Variants in KIF5C observed in about 807,000 individuals in gnomAD.
KIF5C encodes the protein kinesin family member 5C.
KIF5C carries 18 observed loss-of-function variants against 125.2 expected under a neutral mutation model. The observed-to-expected ratio is 0.14, with a 90% CI of 0.10 to 0.21. The LOEUF (loss-of-function observed/expected upper bound fraction) is 0.21, where lower values mean the gene tolerates loss of function less well. Among genes scored for constraint, KIF5C ranks in the 10% least tolerant of loss-of-function variants. The pLI is 1.00. For synonymous variants in KIF5C, 405 were observed against 434.0 expected (o/e 0.93, Z 0.83); for missense variants, 780 against 1,183.8 (o/e 0.66, Z 5.01).
intron 2 of KIF5C, among the ~76,000 whole-genome samples, chr2:148,926,260 C>T (rs1681990641): frequency 6.6e-6 from 1 of 152,202 alleles, no homozygotes; most frequent in Non-Finnish European, 1.5e-5. Context: ...GATGAGAAGG[C>T]TCTGGGCACC....
At chr2:149,018,316 T>C (rs2105211434) in intron 25 of KIF5C, among the ~76,000 whole-genome samples, 3 of 152,046 alleles carry the variant, frequency 2.0e-5, no homozygotes, top group Middle Eastern at 6.8e-3. Context: ...TAAAAACAAA[T>C]ACATGAAGAT....
At chr2:148,998,681 T>A in intron 19 of KIF5C, 172 bp downstream of exon 19, 3 of 1,113,642 alleles carry the variant, frequency 2.7e-6, no homozygotes, top group Non-Finnish European at 2.5e-6. Flanking sequence ...TTCTCCGATC[T>A]GGAGCTGAGC....
chr2:148,939,747 A>T (rs1431192239), intron 4 of KIF5C, among the ~76,000 whole-genome samples: 1 of 152,230 alleles, frequency 6.6e-6, no homozygotes, highest in Non-Finnish European at 1.5e-5. Flanking sequence ...GGCTAAATCA[A>T]GAAAAAGAGG....
intron 1 of KIF5C, among the ~76,000 whole-genome samples, chr2:148,887,249 ACTT>A (rs1681555527): frequency 1.3e-5 from 2 of 152,164 alleles, no homozygotes; most frequent in South Asian, 4.1e-4. Flanking sequence ...CTTTCTTTGT[ACTT>A]CTTTTAATGA....
At chr2:148,899,632 G>A (rs1680812811) in intron 1 of KIF5C, among the ~76,000 whole-genome samples, 2 of 150,524 alleles carry the variant, frequency 1.3e-5, no homozygotes, top group Non-Finnish European at 2.9e-5. Flanking sequence ...GATTCCAGAA[G>A]GCAGAGGTTG....
At chr2:148,923,254 C>T (rs1681860144) in intron 2 of KIF5C, among the ~76,000 whole-genome samples, 1 of 152,198 alleles carries the variant, frequency 6.6e-6, no homozygotes, top group Non-Finnish European at 1.5e-5. Context: ...AAAATCAGCT[C>T]TGGGTACATC....
intron 4 of KIF5C, among the ~76,000 whole-genome samples, chr2:148,938,722 A>G (rs1682343659): frequency 6.6e-6 from 1 of 152,000 alleles, no homozygotes; most frequent in Non-Finnish European, 1.5e-5. Flanking sequence ...CTGCTAAGAG[A>G]TTTCCCTTCA....
chr2:148,950,201 A>G (rs1245586618), intron 9 of KIF5C, 113 bp from the exon 10 acceptor site: 2 of 1,485,584 alleles, frequency 1.3e-6, no homozygotes, highest in Non-Finnish European at 1.8e-6. Context: ...CCCAGCCACA[A>G]ATTCTTGTTT....
At chr2:148,997,484 G>A (rs1003076100) in intron 18 of KIF5C, 144 bp downstream of exon 18, 12 of 1,435,886 alleles carry the variant, frequency 8.4e-6, no homozygotes, top group Admixed American at 2.1e-5. Context: ...ATTCAGAGTC[G>A]ATCTCAGAGT....
intron 1 of KIF5C, among the ~76,000 whole-genome samples, chr2:148,887,767 G>A (rs1480019909): frequency 6.6e-6 from 1 of 151,986 alleles, no homozygotes; most frequent in African/African-American, 2.4e-5. Context: ...CACCCAGGCA[G>A]GGACCATAGT....
At chr2:148,881,350 T>A (rs1475979392) in intron 1 of KIF5C, among the ~76,000 whole-genome samples, 3 of 152,204 alleles carry the variant, frequency 2.0e-5, no homozygotes, top group Non-Finnish European at 4.4e-5. Flanking sequence ...CTAGACTACG[T>A]TAGCTGTTCC....
chr2:148,893,502 G>A (rs548908878), intron 1 of KIF5C, among the ~76,000 whole-genome samples: 68 of 152,220 alleles, frequency 4.5e-4, no homozygotes, highest in African/African-American at 1.1e-3. Context: ...ACGTTCACTC[G>A]TCCAAGCCTT....
intron 1 of KIF5C, among the ~76,000 whole-genome samples, chr2:148,913,864 GGTTT>G (rs962605493): frequency 3.9e-5 from 6 of 152,144 alleles, no homozygotes; most frequent in Non-Finnish European, 8.8e-5. Context: ...CAGTGAAGAA[GGTTT>G]GTTTTTTTTT....
intron 12 of KIF5C, among the ~76,000 whole-genome samples, chr2:148,976,502 T>C (rs981413814): frequency 4.0e-5 from 6 of 151,694 alleles, no homozygotes; most frequent in African/African-American, 1.2e-4. Flanking sequence ...TTTCCTGACC[T>C]CGTGATCCAC....
intron 10 of KIF5C, among the ~76,000 whole-genome samples, chr2:148,951,229 A>G (rs1682650151): frequency 6.6e-6 from 1 of 152,200 alleles, no homozygotes; most frequent in Admixed American, 6.5e-5. Context: ...TATAAAAGGA[A>G]AAGAAGGGGA....
At chr2:148,983,800 C>G in intron 15 of KIF5C, 34 bp downstream of exon 15, 1 of 1,557,816 alleles carries the variant, frequency 6.4e-7, no homozygotes, top group Non-Finnish European at 8.7e-7. Flanking sequence ...TCTCTACCTG[C>G]TCCTGTCAAG....
At chr2:149,017,987 C>G (rs925313050) in intron 25 of KIF5C, among the ~76,000 whole-genome samples, 1 of 152,126 alleles carries the variant, frequency 6.6e-6, no homozygotes, top group African/African-American at 2.4e-5. Flanking sequence ...GTTTGGGATG[C>G]CTGTTTTTTG....
rs1574677820 is a variant in KIF5C at position 148,875,370 on chromosome 2, C to G, written c.-248C>G. 4 of 396,526 alleles carry G rather than the reference C, an allele frequency of 1.0e-5. No homozygotes were observed. The South Asian group carries it at 1.5e-4, about 15-fold the overall frequency. 24.6% of individuals were successfully genotyped at this position (396,526 alleles called of 1,614,324 possible). The stretch of plus-strand genomic sequence containing the variant: ...TGGGCCGGGGGGCGCTGGGCAGGGG[C>G]GGGGCAGGGCCAGGGCAGGCCGGTC... On this transcript the variant is annotated 5_prime_UTR_variant, in exon 1 of 26. Transcript: ENST00000435030.
intron 19 of KIF5C, chr2:149,000,181 A>G: frequency 2.5e-6 from 1 of 396,986 alleles, no homozygotes; most frequent in Non-Finnish European, 4.4e-6. Context: ...CTCTTGCACA[A>G]GCAAACTATA....
Sources: gnomAD v4.1 joint callset for allele counts (sites outside exome capture counted in the v4.1 genomes callset) on GRCh38, gnomAD v4.1.1 for gene constraint, MANE v1.5 for transcripts, NCBI Gene and HGNC (gene_info 2026-07-23, HGNC 2026-07-21) for gene names.